HSD17B13: variants seen among roughly 807,000 people sequenced by gnomAD.
The protein encoded by HSD17B13 is 17-beta-hydroxysteroid dehydrogenase 13.
In HSD17B13, 26 loss-of-function variants were observed where a neutral mutation model predicts 31.1. That is an observed-to-expected ratio of 0.84 (90% CI 0.61 to 1.16). The LOEUF (loss-of-function observed/expected upper bound fraction) is 1.16. Among genes scored for constraint, HSD17B13 ranks in the 50% most tolerant of loss-of-function variants. The pLI, the probability that HSD17B13 is intolerant of heterozygous loss-of-function variation, is 0.00. For missense variants in HSD17B13, 374 were observed against 366.5 expected, an observed-to-expected ratio of 1.02 and a Z score of -0.17; for synonymous variants, 141 against 133.7, an observed-to-expected ratio of 1.05 and a Z score of -0.38.
At position 87,318,374 on chromosome 4, in the gene HSD17B13, C is replaced by G; in HGVS notation, c.273G>C (p.Val91=). 1.2e-6 allele frequency: 2 copies of G among 1,614,176 alleles called. No homozygotes were observed. The highest frequency in any genetic ancestry group is 1.1e-5 in the South Asian group (1 of 91,082). The change falls in exon 2 of 7, where the codon GTG becomes GTC. Residue 91 remains valine (V), a synonymous_variant. Coordinates refer to ENST00000328546, the MANE Select transcript of HSD17B13 (RefSeq NM_178135.5). ...TCTCTTCTCTGTTGCTGCAGTCTAC[C>G]ACATACGCATGCGCAGTGACGCCTA... ...RKLGVTAHAY[V]VDCSNREEIY...
intron 1 of HSD17B13, among the ~76,000 whole-genome samples, chr4:87,320,394 T>TG (rs1734755420): frequency 1.4e-5 from 2 of 145,524 alleles, no homozygotes; most frequent in East Asian, 4.2e-4. Flanking sequence ...TTTTTTTTTT[T>TG]TTTTTTTTTT....
Position 87,322,800 on chromosome 4 carries a change from G to C in HSD17B13, c.42C>G (p.Ile14Met), listed in dbSNP as rs1734820433. 6.2e-7 allele frequency: 1 copy of C among 1,614,160 alleles called. No individual in the cohort carries two copies. The highest frequency in any genetic ancestry group is 1.7e-5 in the Admixed American group (1 of 60,028). Residue 14 changes from isoleucine to methionine, a missense_variant, in exon 1 of 7, where the codon ATC (isoleucine) becomes ATG (methionine). Transcript: ENST00000328546. ...CCAACGACTCCAAGTAGGAGTAGAT[G>C]ATGGTGATCAGAAGCAGAAGGATTT... is the stretch of plus-strand genomic sequence containing the variant. ...ILEILLLLITIIYSYLESLVK... is the reference protein window; with the variant it reads ...ILEILLLLITMIYSYLESLVK...
At chr4:87,322,249 T>C (rs1734804659) in intron 1 of HSD17B13, among the ~76,000 whole-genome samples, 1 of 152,224 alleles carries the variant, frequency 6.6e-6, no homozygotes, top group South Asian at 2.1e-4. Flanking sequence ...AGGTTTCTGT[T>C]GCAAGTTCTT....
chr4:87,316,852 G>A (rs1468940229), intron 3 of HSD17B13, among the ~76,000 whole-genome samples: 1 of 152,184 alleles, frequency 6.6e-6, no homozygotes, highest in Non-Finnish European at 1.5e-5. Flanking sequence ...CAAGCTTTGT[G>A]TCAGATACTG....
At chr4:87,320,594 A>G (rs191671325) in intron 1 of HSD17B13, among the ~76,000 whole-genome samples, 122 of 151,958 alleles carry the variant, frequency 8.0e-4, no homozygotes, top group African/African-American at 2.4e-3. Context: ...TCACTGTGTT[A>G]TCCAGGATGG....
At chr4:87,314,464 C>A (rs1226959034) in intron 4 of HSD17B13, among the ~76,000 whole-genome samples, 1 of 151,948 alleles carries the variant, frequency 6.6e-6, no homozygotes, top group East Asian at 1.9e-4. Flanking sequence ...GCCACTTTGG[C>A]CTCTTAATTT....
intron 5 of HSD17B13, among the ~76,000 whole-genome samples, chr4:87,312,547 T>C (rs1271045235): frequency 5.4e-5 from 4 of 74,100 alleles, no homozygotes; most frequent in Admixed American, 5.4e-4. Flanking sequence ...TTTTTTTTTT[T>C]GAGACGGAGT....
intron 6 of HSD17B13, 140 bp downstream of exon 6, chr4:87,310,103 T>A: frequency 9.9e-7 from 1 of 1,013,534 alleles, no homozygotes; most frequent in Non-Finnish European, 1.3e-6. Flanking sequence ...AGGCGGAGGT[T>A]GCAGTGAGCC....
rs138932958 is a variant in HSD17B13 at position 87,315,549 on chromosome 4, G to A, written c.501C>T (p.Ile167=). 0.012 allele frequency: 19,861 copies of A among 1,611,580 alleles called. 167 individuals carry two copies. Among genetic ancestry groups the A allele is most frequent in the Non-Finnish European group, 0.014 (16,631 of 1,177,976 alleles). Residue 167 remains isoleucine (I), a synonymous_variant, in exon 4 of 7, where the codon ATC becomes ATT. Transcript: ENST00000328546. The stretch of plus-strand genomic sequence containing the variant: ...GGCCGCACACTGAAGCCACTGTGAC[G>A]ATGTGGCCATGATTTCTCTCCATCA... ...PSMMERNHGH[I]VTVASVCGHE...
intron 3 of HSD17B13, 83 bp downstream of exon 3, chr4:87,317,009 C>T (rs1318706382): frequency 1.4e-6 from 2 of 1,409,024 alleles, no homozygotes; most frequent in African/African-American, 1.4e-5. Flanking sequence ...GTTTCCTGTC[C>T]AGAAGTATGT....
At chr4:87,315,690 A>C (rs1402849786) in intron 3 of HSD17B13, 91 bp from the exon 4 acceptor site, 2 of 653,448 alleles carry the variant, frequency 3.1e-6, no homozygotes, top group South Asian at 2.1e-5. Context: ...ACAGAAAGGC[A>C]TTTGAGAGAA....
In HSD17B13 at chr4:87,309,759, C is replaced by T. The variant is rs569289185; in HGVS notation, c.812+484G>A. ...TAGATTTGGTAGAGAAAATGAATCA[C>T]TCTCTTTTTATAGACTGGGTAGGAA... is the stretch of plus-strand genomic sequence containing the variant. On this transcript the variant is annotated intron_variant, in intron 6 of 6. Coordinates refer to ENST00000328546, the MANE Select transcript of HSD17B13 (RefSeq NM_178135.5). Among the ~76,000 whole-genome samples the T allele has an allele frequency of 2.0e-5, 3 of 152,186 alleles. No homozygotes were observed. In the South Asian group the frequency reaches 6.2e-4, roughly 31 times the overall value.
chr4:87,322,307 C>T (rs573108018), intron 1 of HSD17B13, among the ~76,000 whole-genome samples: 1 of 152,244 alleles, frequency 6.6e-6, no homozygotes, highest in East Asian at 1.9e-4. Flanking sequence ...CGTTCTTGCC[C>T]ATCCCCTAAG....
At chr4:87,315,206 A>T (rs989208514) in intron 4 of HSD17B13, among the ~76,000 whole-genome samples, 1 of 152,244 alleles carries the variant, frequency 6.6e-6, no homozygotes, top group African/African-American at 2.4e-5. Context: ...TAGGGCGTAC[A>T]CCAAGTAACC....
rs959819550 is a variant in HSD17B13 at position 87,318,579 on chromosome 4, C to T, written c.211-143G>A. The T allele has an allele frequency of 5.9e-5, 37 of 627,648 alleles. 1 individual carries two copies. The South Asian group carries it at 6.3e-4, about 11-fold the overall frequency. The allele number at this position is 627,648 out of a possible 1,614,324, so 38.9% of individuals were successfully genotyped here. On this transcript the variant is annotated intron_variant, in intron 1 of 6. Transcript: ENST00000328546. ...CTTTGGTTGGCCGAGGAGGGCGGAT[C>T]ACGAGGTCAGGAGTTCAAGACCAGC...
intron 5 of HSD17B13, among the ~76,000 whole-genome samples, chr4:87,313,232 ATTG>A (rs1034120568): frequency 5.9e-5 from 9 of 152,242 alleles, no homozygotes; most frequent in African/African-American, 2.2e-4. Context: ...TCAACAGAGA[ATTG>A]TTTAGTTCTT....
Position 87,310,301 on chromosome 4 carries a change from T to C in HSD17B13, c.754A>G (p.Thr252Ala), listed in dbSNP as rs1578437998. 1.3e-6 allele frequency: 2 copies of C among 1,581,128 alleles called. No homozygotes were observed. The highest frequency in any genetic ancestry group is 4.7e-5 in the East Asian group (2 of 42,402). ...GGAACAAAAATCATTTTCTTATTGGTAAGTATTCCATCTATCAGACTTCTT... is the reference window on the plus strand; with the variant it reads ...GGAACAAAAATCATTTTCTTATTGGCAAGTATTCCATCTATCAGACTTCTT... ...VVRSLIDGIL[T>A]NKKMIFVPSY... Residue 252 changes from threonine to alanine, a missense_variant, in exon 6 of 7, where the codon ACC (threonine) becomes GCC (alanine). Thr to Ala is a moderately conservative substitution (Grantham distance 58). Coordinates refer to ENST00000328546, the MANE Select transcript of HSD17B13 (RefSeq NM_178135.5).
chr4:87,311,947 C>T lies in HSD17B13; in HGVS notation c.696-1588G>A, dbSNP rs549394265. On this transcript the variant is annotated intron_variant, in intron 5 of 6. Coordinates refer to ENST00000328546, the MANE Select transcript of HSD17B13 (RefSeq NM_178135.5). ...CGGAGCCAAGTGTGACATTACATAT[C>T]AATGCCTTAGCCCTTACTAAGGAAA... Among the ~76,000 whole-genome samples, 18 of 152,328 alleles carry T rather than the reference C, an allele frequency of 1.2e-4. No individual in the cohort carries two copies. The East Asian group carries it at 3.3e-3, about 28-fold the overall frequency.
At chr4:87,307,499 A>T (rs565918399) in intron 6 of HSD17B13, among the ~76,000 whole-genome samples, 4 of 151,526 alleles carry the variant, frequency 2.6e-5, no homozygotes, top group Non-Finnish European at 4.4e-5. Context: ...GTCAACTTTT[A>T]TTTTTTTTCA....
Sources: allele counts gnomAD v4.1 joint callset (sites outside exome capture counted in the v4.1 genomes callset), GRCh38; gene constraint gnomAD v4.1.1; transcripts MANE v1.5; gene names NCBI Gene and HGNC (gene_info 2026-07-23, HGNC 2026-07-21).